Variants in DPY19L2 observed in about 807,000 individuals in gnomAD.
DPY19L2 encodes dpy-19 like 2.
Under a neutral mutation model 97.9 loss-of-function variants are expected in DPY19L2, and 34 were observed. The ratio of observed to expected loss-of-function variants is 0.35; its 90% CI spans 0.26 to 0.46. The LOEUF is 0.46. DPY19L2 is among the 20% of genes least tolerant of loss of function. DPY19L2 has a pLI of 1.00. For missense variants in DPY19L2, 623 were observed against 911.4 expected (o/e 0.68, Z 4.07); for synonymous variants, 230 against 307.9 (o/e 0.75, Z 2.65).
At chr12:63,668,664 G>T, upstream of DPY19L2, 1 of 466,220 alleles carries the variant, frequency 2.1e-6, no homozygotes, top group African/African-American at 2.0e-5. Flanking sequence ...GCAGCTTCCG[G>T]TGAGGGCAGC....
intron 19 of DPY19L2, among the ~76,000 whole-genome samples, chr12:63,573,071 G>A (rs1879171895): frequency 6.6e-6 from 1 of 151,954 alleles, no homozygotes; most frequent in Non-Finnish European, 1.5e-5. Flanking sequence ...TCAAAACCAT[G>A]CAGGAAAACA....
chr12:63,638,462 T>G (rs954866134), intron 6 of DPY19L2, among the ~76,000 whole-genome samples: 1 of 152,138 alleles, frequency 6.6e-6, no homozygotes, highest in Non-Finnish European at 1.5e-5. Flanking sequence ...GAAAACCCCA[T>G]TGTCTCAACC....
chr12:63,636,107 G>C (rs1175542541), intron 6 of DPY19L2, among the ~76,000 whole-genome samples: 3 of 151,722 alleles, frequency 2.0e-5, no homozygotes, highest in Admixed American at 6.6e-5. Flanking sequence ...AGCCAGAAGG[G>C]GGGGCGGCCA....
At chr12:63,599,940 C>T (rs1884863903) in intron 13 of DPY19L2, among the ~76,000 whole-genome samples, 1 of 152,084 alleles carries the variant, frequency 6.6e-6, no homozygotes, top group Non-Finnish European at 1.5e-5. Flanking sequence ...TTTAAGAGTT[C>T]TATATTTTCA....
intron 9 of DPY19L2, among the ~76,000 whole-genome samples, chr12:63,619,466 G>T (rs1888335770): frequency 6.6e-6 from 1 of 151,312 alleles, no homozygotes; most frequent in Non-Finnish European, 1.5e-5. Flanking sequence ...TGAAAGCCTA[G>T]TATATATCCA....
upstream of DPY19L2, chr12:63,668,736 A>G (rs1896632094): frequency 4.7e-5 from 15 of 316,554 alleles, no homozygotes; most frequent in South Asian, 5.5e-4. Flanking sequence ...GCAGGCCCCA[A>G]GCCCACATGC....
At chr12:63,631,165 AG>A (rs1890557579) in intron 6 of DPY19L2, among the ~76,000 whole-genome samples, 1 of 152,160 alleles carries the variant, frequency 6.6e-6, no homozygotes, top group Non-Finnish European at 1.5e-5. Flanking sequence ...GAACTAGAGA[AG>A]CAAGAGCAAA....
chr12:63,668,757 C>A (rs570820657), upstream of DPY19L2: 1 of 271,708 alleles, frequency 3.7e-6, no homozygotes, highest in East Asian at 9.7e-5. Context: ...GCAGTCCTCA[C>A]CTTGCGCGCA....
chr12:63,596,140 A>G (rs1884194229), intron 14 of DPY19L2, 103 bp from the exon 15 acceptor site: 2 of 935,274 alleles, frequency 2.1e-6, no homozygotes, highest in African/African-American at 1.7e-5. Context: ...CCTTAAAAGT[A>G]AAAGGTTAAA....
intron 6 of DPY19L2, among the ~76,000 whole-genome samples, chr12:63,633,851 G>C (rs540658591): frequency 1.3e-5 from 2 of 152,058 alleles, no homozygotes; most frequent in Non-Finnish European, 2.9e-5. Context: ...AAGAAAATGT[G>C]GCACATATAC....
In DPY19L2 at chr12:63,580,723, T is replaced by C; in HGVS notation, c.1839A>G (p.Gly613=). 6.2e-7 allele frequency: 1 copy of C among 1,613,594 alleles called. No individual in the cohort carries two copies. Residue 613 remains glycine (G), a synonymous_variant, in exon 19 of 22, where the codon GGA becomes GGG. Coordinates refer to ENST00000324472, the MANE Select transcript of DPY19L2 (RefSeq NM_173812.5). ...CTTCCTGAGGCAAATTATTAAATTCTCCTATTATGCTCCATTGATTACGGA... is the reference window on the plus strand; with the variant it reads ...CTTCCTGAGGCAAATTATTAAATTCCCCTATTATGCTCCATTGATTACGGA... The part of the protein sequence containing the change: ...ANLRNQWSII[G]EFNNLPQEEL...
chr12:63,590,748 A>G (rs1882752237), intron 16 of DPY19L2, among the ~76,000 whole-genome samples: 1 of 152,146 alleles, frequency 6.6e-6, no homozygotes, highest in Non-Finnish European at 1.5e-5. Flanking sequence ...CAGATCTAAG[A>G]GAGGGGAGTA....
At chr12:63,589,357 CAAAAAAAAAAAAAAA>C (rs71086687) in intron 16 of DPY19L2, among the ~76,000 whole-genome samples, 1,239 of 19,008 alleles carry the variant, frequency 0.065, 25 homozygotes, top group African/African-American at 0.16. Flanking sequence ...AAATGTGTTG[CAAAAAAAAAAAAAAA>C]AAAAAAAAAA....
rs763591805 is a variant in DPY19L2 at position 63,644,495 on chromosome 12, T to G, written c.711A>C (p.Gly237=). 6.2e-7 allele frequency: 1 copy of G among 1,604,650 alleles called. No individual in the cohort carries two copies. Among genetic ancestry groups the G allele is most frequent in the Admixed American group, 1.7e-5 (1 of 57,370 alleles). Residue 237 remains glycine, a splice_region_variant and synonymous_variant, in exon 6 of 22, where the codon GGA becomes GGC. Coordinates refer to ENST00000324472, the MANE Select transcript of DPY19L2 (RefSeq NM_173812.5). ...CATAAAAGCAAGCAGGATCTCCCAATCCTTTGAAAAGATACAGATAATCAG... is the reference window on the plus strand; with the variant it reads ...CATAAAAGCAAGCAGGATCTCCCAAGCCTTTGAAAAGATACAGATAATCAG... ...EPLNEVQSCE[G]LGDPACFYVG... is the part of the protein sequence containing the mutation.
chr12:63,622,413 T>C (rs1318309918), intron 8 of DPY19L2, among the ~76,000 whole-genome samples: 1 of 152,168 alleles, frequency 6.6e-6, no homozygotes, highest in East Asian at 1.9e-4. Context: ...AGGAGGTTCC[T>C]AAATCCAAAT....
chr12:63,612,312 T>G (rs2936239), intron 11 of DPY19L2, among the ~76,000 whole-genome samples: 92,869 of 151,650 alleles, frequency 0.61, 29,093 homozygotes, highest in African/African-American at 0.74. Flanking sequence ...ACAAGTAAAA[T>G]GCACCGAAAA....
chr12:63,622,848 C>T (rs1888906590), intron 8 of DPY19L2, among the ~76,000 whole-genome samples: 1 of 152,070 alleles, frequency 6.6e-6, no homozygotes, highest in African/African-American at 2.4e-5. Flanking sequence ...ATCGCTTGAA[C>T]CCGGGAAGCA....
intron 12 of DPY19L2, among the ~76,000 whole-genome samples, chr12:63,602,677 G>A (rs984183472): frequency 1.3e-5 from 2 of 151,780 alleles, no homozygotes; most frequent in Non-Finnish European, 1.5e-5. Context: ...AATTTATAAG[G>A]GACAGAAGAA....
intron 19 of DPY19L2, among the ~76,000 whole-genome samples, chr12:63,573,959 T>C (rs1471920309): frequency 6.6e-6 from 1 of 151,980 alleles, no homozygotes; most frequent in Non-Finnish European, 1.5e-5. Flanking sequence ...AAAAGGACAT[T>C]AATGAGGAAG....
Sources: allele counts gnomAD v4.1 joint callset (sites outside exome capture counted in the v4.1 genomes callset), GRCh38; gene constraint gnomAD v4.1.1; transcripts MANE v1.5; gene names NCBI Gene and HGNC (gene_info 2026-07-23, HGNC 2026-07-21).